Variants in TMEM178A observed in about 807,000 individuals in gnomAD.
The protein encoded by TMEM178A is transmembrane protein 178.
In TMEM178A, 12 loss-of-function variants were observed where a neutral mutation model predicts 29.1. That is an observed-to-expected ratio of 0.41 (90% confidence interval 0.26 to 0.67). The LOEUF (loss-of-function observed/expected upper bound fraction) is 0.67, where lower values mean the gene tolerates loss of function less well. Among genes scored for constraint, TMEM178A ranks in the 30% least tolerant of loss-of-function variants. TMEM178A has a pLI of 0.29. For missense variants in TMEM178A, 366 were observed against 419.1 expected (o/e 0.87, Z 1.11); for synonymous variants, 210 against 187.2 (o/e 1.12, Z -0.99).
downstream of TMEM178A, among the ~76,000 whole-genome samples, chr2:39,720,488 C>G (rs1292098404): frequency 6.6e-6 from 1 of 152,192 alleles, no homozygotes; most frequent in Non-Finnish European, 1.5e-5. Context: ...CTGGCTTATT[C>G]TGACTTTTCC....
the TMEM178A span, among the ~76,000 whole-genome samples, chr2:39,728,277 T>C: frequency 6.6e-6 from 1 of 152,204 alleles, no homozygotes; most frequent in South Asian, 2.1e-4. Context: ...TGGTATCTCA[T>C]TGTGGTTTTG....
rs1296547757 is a variant in TMEM178A, at chr2:39,694,169, A to AAT, written c.401-9910_401-9909dup. Among the ~76,000 whole-genome samples, 11 of 149,844 alleles carry AAT rather than the reference A, an allele frequency of 7.3e-5. No homozygotes were observed. The East Asian group carries it at 2.1e-3, about 29-fold the overall frequency. On this transcript the variant is annotated intron_variant, in intron 1 of 3. Coordinates refer to ENST00000281961, the MANE Select transcript of TMEM178A (RefSeq NM_152390.3). The stretch of plus-strand genomic sequence containing the variant: ...TAGCAATAGTAGTAGTAGTAATAAT[A>AAT]ATAATAATAATAATAATTAAAGCGA...
intron 2 of TMEM178A, among the ~76,000 whole-genome samples, chr2:39,704,785 A>G (rs1671950977): frequency 6.6e-6 from 1 of 152,198 alleles, no homozygotes; most frequent in Admixed American, 6.5e-5. Flanking sequence ...CTGCCTGATG[A>G]TAGATAGCTC....
At chr2:39,672,756 C>G (rs1670458832) in intron 1 of TMEM178A, among the ~76,000 whole-genome samples, 1 of 152,164 alleles carries the variant, frequency 6.6e-6, no homozygotes, top group Admixed American at 6.5e-5. Context: ...AAGCTGTTCT[C>G]AAACTCCTGG....
At chr2:39,687,370 T>A (rs1671127764) in intron 1 of TMEM178A, 1 of 167,008 alleles carries the variant, frequency 6.0e-6, no homozygotes, top group Admixed American at 6.5e-5. Context: ...GATTTCTGTC[T>A]GGAGATGTCA....
intron 1 of TMEM178A, among the ~76,000 whole-genome samples, chr2:39,699,263 G>A (rs954086694): frequency 5.9e-5 from 9 of 152,018 alleles, no homozygotes; most frequent in Non-Finnish European, 8.8e-5. Flanking sequence ...CTGGCCTCAA[G>A]TGATCCGTCT....
chr2:39,703,340 A>C (rs1671877998), intron 1 of TMEM178A, among the ~76,000 whole-genome samples: 1 of 152,152 alleles, frequency 6.6e-6, no homozygotes, highest in African/African-American at 2.4e-5. Context: ...GACCCATGTT[A>C]ATTTATGCAG....
intron 1 of TMEM178A, among the ~76,000 whole-genome samples, chr2:39,696,927 C>A (rs1671569232): frequency 6.6e-6 from 1 of 152,164 alleles, no homozygotes; most frequent in South Asian, 2.1e-4. Context: ...CAATCCTCTG[C>A]ATGTTTCTTC....
chr2:39,721,209 C>T (rs1375351722), downstream of TMEM178A, among the ~76,000 whole-genome samples: 3 of 152,198 alleles, frequency 2.0e-5, no homozygotes, highest in Admixed American at 6.5e-5. Flanking sequence ...ACCACAAATG[C>T]TTGAAGATGC....
the TMEM178A span, among the ~76,000 whole-genome samples, chr2:39,733,291 C>G: frequency 6.6e-6 from 1 of 152,132 alleles, no homozygotes; most frequent in African/African-American, 2.4e-5. Context: ...AAGGAGATGA[C>G]GTCACTCTCA....
intron 1 of TMEM178A, among the ~76,000 whole-genome samples, chr2:39,677,736 G>T (rs1057404221): frequency 2.6e-5 from 4 of 151,722 alleles, no homozygotes; most frequent in Non-Finnish European, 4.4e-5. Context: ...CCTGTGCTAG[G>T]CTCCTCTTGG....
chr2:39,735,771 C>T, the TMEM178A span, among the ~76,000 whole-genome samples: 2 of 152,218 alleles, frequency 1.3e-5, no homozygotes, highest in Admixed American at 6.5e-5. Context: ...GCGGTGGCTA[C>T]GTAGCCAAGA....
the TMEM178A span, among the ~76,000 whole-genome samples, chr2:39,732,613 T>G: frequency 1.3e-5 from 2 of 152,120 alleles, no homozygotes; most frequent in African/African-American, 4.8e-5. Context: ...AGGAGAATAA[T>G]TAACTTGCAT....
intron 3 of TMEM178A, among the ~76,000 whole-genome samples, chr2:39,714,190 A>G (rs936540235): frequency 1.1e-4 from 16 of 152,098 alleles, no homozygotes; most frequent in Admixed American, 9.8e-4. Context: ...AGGAGAAGAG[A>G]TGTTACAGAA....
intron 1 of TMEM178A, among the ~76,000 whole-genome samples, chr2:39,702,882 CT>C (rs1333349840): frequency 6.6e-6 from 1 of 152,100 alleles, no homozygotes; most frequent in Non-Finnish European, 1.5e-5. Context: ...TTCAGTATAT[CT>C]GGGGTAGAGT....
chr2:39,715,716 A>C (rs181273683), intron 3 of TMEM178A, among the ~76,000 whole-genome samples: 1 of 152,202 alleles, frequency 6.6e-6, no homozygotes, highest in Non-Finnish European at 1.5e-5. Flanking sequence ...CTAAGTGCAC[A>C]TTTGGAAGCG....
At chr2:39,670,659 C>G (rs1170594407) in intron 1 of TMEM178A, among the ~76,000 whole-genome samples, 3 of 152,200 alleles carry the variant, frequency 2.0e-5, no homozygotes, top group Non-Finnish European at 4.4e-5. Context: ...TGGAAGCAGA[C>G]TCAGTTGGAA....
At chr2:39,684,627 C>T (rs1670996898) in intron 1 of TMEM178A, among the ~76,000 whole-genome samples, 4 of 152,182 alleles carry the variant, frequency 2.6e-5, no homozygotes, top group African/African-American at 9.7e-5. Flanking sequence ...TAAACTTGAT[C>T]ATATCACCTC....
intron 1 of TMEM178A, among the ~76,000 whole-genome samples, chr2:39,699,583 A>C (rs1159978734): frequency 1.3e-5 from 2 of 151,880 alleles, no homozygotes; most frequent in African/African-American, 4.8e-5. Context: ...CAGCCTCCTG[A>C]GTAGCTAGGA....
Sources: allele counts gnomAD v4.1 joint callset (sites outside exome capture counted in the v4.1 genomes callset), GRCh38; gene constraint gnomAD v4.1.1; transcripts MANE v1.5; gene names NCBI Gene and HGNC (gene_info 2026-07-23, HGNC 2026-07-21).